CLVS1: variants seen among roughly 807,000 people sequenced by gnomAD.
The protein encoded by CLVS1 is clavesin 1, also known as clavesin-1.
A neutral mutation model predicts 33.1 loss-of-function variants in CLVS1; 10 were observed. The observed-to-expected ratio is 0.30, with a 90% CI of 0.19 to 0.51. The LOEUF (loss-of-function observed/expected upper bound fraction) is 0.51. CLVS1 is among the 20% of genes least tolerant of loss of function. The pLI is 0.97. For missense variants in CLVS1, 343 were observed against 433.4 expected (o/e 0.79, Z 1.85); for synonymous variants, 163 against 166.1 (o/e 0.98, Z 0.14).
chr8:61,153,610 G>A (rs2003204), intron 2 of CLVS1, among the ~76,000 whole-genome samples: 39,530 of 152,012 alleles, frequency 0.26, 5,398 homozygotes, highest in African/African-American at 0.33. Flanking sequence ...TTTGTGCCAC[G>A]GTCGGGGAGC....
chr8:61,372,245 A>G (rs1159724568), intron 2 of CLVS1, among the ~76,000 whole-genome samples: 2 of 152,198 alleles, frequency 1.3e-5, no homozygotes, highest in Non-Finnish European at 2.9e-5. Flanking sequence ...GATTTGGTAG[A>G]ATGAAGAAAC....
the CLVS1 span, among the ~76,000 whole-genome samples, chr8:61,047,553 C>A: frequency 6.6e-6 from 1 of 152,122 alleles, no homozygotes. Context: ...AAATGTCCAA[C>A]AATGATAGAC....
chr8:61,335,147 A>G (rs373697942), intron 2 of CLVS1, among the ~76,000 whole-genome samples: 29 of 152,328 alleles, frequency 1.9e-4, no homozygotes, highest in African/African-American at 4.8e-4. Flanking sequence ...AGAGTCTGCA[A>G]AATATTGGAA....
intron 1 of CLVS1, chr8:61,292,465 C>G: frequency 2.2e-6 from 1 of 455,218 alleles, no homozygotes; most frequent in South Asian, 1.6e-5. Context: ...GTGAGTCCTA[C>G]CTTTCTTATC....
chr8:61,447,307 G>A (rs1432837313), intron 3 of CLVS1, among the ~76,000 whole-genome samples: 2 of 151,990 alleles, frequency 1.3e-5, no homozygotes, highest in South Asian at 4.1e-4. Flanking sequence ...AGCATATATA[G>A]CAGATCATGT....
At chr8:61,074,448 G>T (rs1804867529) in intron 1 of CLVS1, among the ~76,000 whole-genome samples, 1 of 124,954 alleles carries the variant, frequency 8.0e-6, no homozygotes, top group Non-Finnish European at 1.6e-5. Flanking sequence ...ATATATATAA[G>T]TATATGTGTA....
intron 5 of CLVS1, among the ~76,000 whole-genome samples, chr8:61,494,224 G>A (rs1804193741): frequency 2.0e-5 from 3 of 152,064 alleles, no homozygotes; most frequent in Non-Finnish European, 4.4e-5. Context: ...GCTTAATGAA[G>A]TGGGGAAAGT....
chr8:61,075,727 G>A (rs1272695573), intron 1 of CLVS1, among the ~76,000 whole-genome samples: 2 of 152,152 alleles, frequency 1.3e-5, no homozygotes, highest in Non-Finnish European at 2.9e-5. Context: ...TGGCCCAGCA[G>A]CACCCTGATT....
intron 3 of CLVS1, among the ~76,000 whole-genome samples, chr8:61,400,347 G>T (rs1293884079): frequency 6.6e-6 from 1 of 152,116 alleles, no homozygotes; most frequent in Non-Finnish European, 1.5e-5. Context: ...TGTTGTTGGT[G>T]TATAGGAATG....
chr8:61,404,916 A>G (rs1416948285), intron 3 of CLVS1, among the ~76,000 whole-genome samples: 1 of 152,174 alleles, frequency 6.6e-6, no homozygotes, highest in African/African-American at 2.4e-5. Context: ...CGATCCCCAG[A>G]TCTAGCAAAG....
chr8:61,018,813 T>C, the CLVS1 span, among the ~76,000 whole-genome samples: 168 of 152,352 alleles, frequency 1.1e-3, no homozygotes, highest in Non-Finnish European at 1.9e-3. Context: ...CCTCCATTCA[T>C]GTTATTGTCT....
chr8:61,347,779 G>A (rs922285058), intron 2 of CLVS1, among the ~76,000 whole-genome samples: 8 of 149,170 alleles, frequency 5.4e-5, no homozygotes, highest in South Asian at 2.1e-4. Context: ...CATATCCTTT[G>A]GCTATATACT....
intron 1 of CLVS1, among the ~76,000 whole-genome samples, chr8:61,108,709 TCTCA>T (rs1469208877): frequency 1.1e-4 from 16 of 152,210 alleles, no homozygotes; most frequent in Admixed American, 9.8e-4. Flanking sequence ...GTTACAAACT[TCTCA>T]CTCAAAGTTT....
chr8:61,422,008 TAATC>T (rs982289118), intron 3 of CLVS1, among the ~76,000 whole-genome samples: 4 of 152,118 alleles, frequency 2.6e-5, no homozygotes, highest in African/African-American at 9.7e-5. Context: ...ACTGTTCAAA[TAATC>T]AAAGAAGATT....
chr8:61,105,874 T>C (rs7844926), intron 1 of CLVS1, among the ~76,000 whole-genome samples: 26,967 of 151,848 alleles, frequency 0.18, 2,559 homozygotes, highest in Admixed American at 0.3. Context: ...ACAGCCCAAA[T>C]TGGACCCGTT....
chr8:61,325,205 T>TACAC (rs150282296), intron 2 of CLVS1, among the ~76,000 whole-genome samples: 14 of 150,354 alleles, frequency 9.3e-5, no homozygotes, highest in South Asian at 2.1e-4. Flanking sequence ...TACACACACA[T>TACAC]ACACACACAC....
intron 5 of CLVS1, among the ~76,000 whole-genome samples, chr8:61,490,331 A>G (rs1372427003): frequency 6.6e-6 from 1 of 151,850 alleles, no homozygotes; most frequent in Non-Finnish European, 1.5e-5. Flanking sequence ...CTCAAAAAAA[A>G]AAAAAAGAAG....
At chr8:61,404,247 C>G (rs1814890935) in intron 3 of CLVS1, among the ~76,000 whole-genome samples, 1 of 152,222 alleles carries the variant, frequency 6.6e-6, no homozygotes, top group Non-Finnish European at 1.5e-5. Flanking sequence ...TATCTCAACA[C>G]TGTCCAGAGT....
chr8:61,306,906 C>A lies in CLVS1; in HGVS notation c.455+6624C>A, dbSNP rs138253300. Among the ~76,000 whole-genome samples the A allele has an allele frequency of 1.4e-3, 218 of 152,314 alleles. 2 individuals carry two copies. Among genetic ancestry groups the A allele is most frequent in the African/African-American group, 4.0e-3 (165 of 41,562 alleles). On this transcript the variant is annotated intron_variant, in intron 2 of 5. Transcript: ENST00000325897. ...CAAAAATACAGCTGAGAACCCTTAG[C>A]GGTATGCACTATGGGTACATAAGTG...
Sources: gnomAD v4.1 joint callset for allele counts (sites outside exome capture counted in the v4.1 genomes callset) on GRCh38, gnomAD v4.1.1 for gene constraint, MANE v1.5 for transcripts, NCBI Gene and HGNC (gene_info 2026-07-23, HGNC 2026-07-21) for gene names.